Variants in SMURF1 observed in about 807,000 individuals in gnomAD.
The protein encoded by SMURF1 is SMAD specific E3 ubiquitin protein ligase 1, also known as E3 ubiquitin-protein ligase SMURF1.
SMURF1 carries 44 observed loss-of-function variants against 98.0 expected under a neutral mutation model. The observed-to-expected ratio is 0.45, with a 90% confidence interval of 0.35 to 0.58. The LOEUF is 0.58. Ranked by LOEUF, SMURF1 falls within the 20% of genes least tolerant of loss-of-function variation. The pLI, the probability that SMURF1 is intolerant of heterozygous loss-of-function variation, is 0.00. For synonymous variants in SMURF1, 396 were observed against 374.9 expected (o/e 1.06, Z -0.65); for missense variants, 687 against 938.4 (o/e 0.73, Z 3.50).
At chr7:99,035,807 A>G (rs219801) in intron 15 of SMURF1, 91 bp from the exon 16 acceptor site, 3 of 1,284,746 alleles carry the variant, frequency 2.3e-6, no homozygotes, top group Non-Finnish European at 3.3e-6. Flanking sequence ...AACAGTGAAA[A>G]GTCGATTCCC....
intron 1 of SMURF1, among the ~76,000 whole-genome samples, chr7:99,113,877 A>G (rs1797382917): frequency 6.7e-6 from 1 of 149,556 alleles, no homozygotes; most frequent in African/African-American, 2.5e-5. Context: ...AACATTAGAC[A>G]GTAACCTGAG....
At chr7:99,034,183 C>A (rs3801241) in intron 16 of SMURF1, among the ~76,000 whole-genome samples, 1 of 152,096 alleles carries the variant, frequency 6.6e-6, no homozygotes, top group East Asian at 1.9e-4. Flanking sequence ...CAGGTGAGGG[C>A]CTTCAGAGAC....
In SMURF1 at chr7:99,060,610, C is replaced by G; in HGVS notation, c.192G>C (p.Gln64His). The change falls in exon 3 of 18, where the codon CAG becomes CAC. Residue 64 changes from glutamine (Q) to histidine (H), a missense_variant. Transcript: ENST00000361368. The part of the protein sequence containing the change: ...VKNTLDPKWN[Q>H]HYDLYVGKTD... ...AACATTCAACTCACAGATCATAGTG[C>G]TGGTTCCACTTTGGGTCCAATGTGT... The G allele has an allele frequency of 6.2e-7, 1 of 1,612,854 alleles. No homozygotes were observed. Among genetic ancestry groups the G allele is most frequent in the Non-Finnish European group, 8.5e-7 (1 of 1,179,402 alleles).
intron 17 of SMURF1, chr7:99,031,511 G>A (rs913256087): frequency 2.0e-5 from 3 of 152,230 alleles, no homozygotes; most frequent in African/African-American, 7.2e-5. Flanking sequence ...CTGGGTTCCA[G>A]GGCGGGCACT....
chr7:99,057,604 TG>T (rs377080465), intron 3 of SMURF1, 53 bp from the exon 4 acceptor site: 20 of 1,407,688 alleles, frequency 1.4e-5, no homozygotes, highest in Middle Eastern at 1.9e-4. Flanking sequence ...TTTTTTGTTT[TG>T]TTTTTTTTTT....
chr7:99,116,541 T>TA (rs1797459001), intron 1 of SMURF1, among the ~76,000 whole-genome samples: 1 of 152,160 alleles, frequency 6.6e-6, no homozygotes, highest in South Asian at 2.1e-4. Context: ...ATCAACATAC[T>TA]AAAATCAGCT....
chr7:99,102,092 T>C (rs1206862253), intron 1 of SMURF1, among the ~76,000 whole-genome samples: 3 of 152,186 alleles, frequency 2.0e-5, no homozygotes, highest in Non-Finnish European at 4.4e-5. Context: ...TACCCTTTTA[T>C]ATGGGCATAC....
chr7:99,089,311 C>T (rs1796754399), intron 1 of SMURF1, among the ~76,000 whole-genome samples: 1 of 151,974 alleles, frequency 6.6e-6, no homozygotes. Flanking sequence ...AACACAAATT[C>T]AAATTGAATC....
At chr7:99,113,637 G>A (rs753308555) in intron 1 of SMURF1, among the ~76,000 whole-genome samples, 35 of 151,812 alleles carry the variant, frequency 2.3e-4, no homozygotes, top group Non-Finnish European at 4.3e-4. Flanking sequence ...TCAGGAGATC[G>A]AGATCATCCT....
At chr7:99,034,193 C>T (rs1461010604) in intron 16 of SMURF1, among the ~76,000 whole-genome samples, 1 of 152,182 alleles carries the variant, frequency 6.6e-6, no homozygotes, top group Non-Finnish European at 1.5e-5. Context: ...CCTTCAGAGA[C>T]CTCCTGCAGG....
At chr7:99,112,663 TA>T (rs1331746461) in intron 1 of SMURF1, among the ~76,000 whole-genome samples, 2 of 152,170 alleles carry the variant, frequency 1.3e-5, no homozygotes, top group African/African-American at 4.8e-5. Context: ...TGAGGAAGCC[TA>T]GTCACTGGAC....
intron 1 of SMURF1, among the ~76,000 whole-genome samples, chr7:99,080,085 T>C (rs1317927710): frequency 6.8e-6 from 1 of 146,118 alleles, no homozygotes; most frequent in African/African-American, 2.5e-5. Flanking sequence ...AAGGAGAAAA[T>C]AAAACCACAA....
chr7:99,111,138 T>C (rs1797309948), intron 1 of SMURF1, among the ~76,000 whole-genome samples: 1 of 152,178 alleles, frequency 6.6e-6, no homozygotes, highest in Non-Finnish European at 1.5e-5. Flanking sequence ...CAAGAGGTAG[T>C]GGTAATAACT....
chr7:99,074,841 A>C (rs1192986835), intron 1 of SMURF1, among the ~76,000 whole-genome samples: 1 of 152,220 alleles, frequency 6.6e-6, no homozygotes, highest in Non-Finnish European at 1.5e-5. Flanking sequence ...CAGCCTGGGC[A>C]AAACAGTGAG....
intron 6 of SMURF1, among the ~76,000 whole-genome samples, chr7:99,053,026 C>CAG (rs1487262881): frequency 6.6e-6 from 1 of 152,154 alleles, no homozygotes; most frequent in African/African-American, 2.4e-5. Flanking sequence ...CATTGTACTC[C>CAG]AGCCTGGGTG....
intron 1 of SMURF1, among the ~76,000 whole-genome samples, chr7:99,139,480 AAT>A (rs1041342296): frequency 6.6e-6 from 1 of 152,254 alleles, no homozygotes; most frequent in African/African-American, 2.4e-5. Flanking sequence ...TTGACATTAC[AAT>A]AAAATTTAAT....
At chr7:99,051,082 T>C (rs907779346) in intron 8 of SMURF1, 1 of 1,256,642 alleles carries the variant, frequency 8.0e-7, no homozygotes, top group South Asian at 1.4e-5. Context: ...TTTAAGCATA[T>C]AAAAAAGTTA....
intron 14 of SMURF1, among the ~76,000 whole-genome samples, chr7:99,038,142 A>G (rs1795224993): frequency 6.6e-6 from 1 of 151,936 alleles, no homozygotes; most frequent in South Asian, 2.1e-4. Context: ...GTGGTCACTG[A>G]AAAGTCCTTC....
Position 99,069,022 on chromosome 7 carries a change from G to A in SMURF1, c.56-7185C>T, listed in dbSNP as rs969180564. Among the ~76,000 whole-genome samples, 12 of 152,266 alleles carry A rather than the reference G, an allele frequency of 7.9e-5. No homozygotes were observed. The South Asian group carries it at 2.1e-3, about 26-fold the overall frequency. ...AATGTAAGCGGGGTTTTCATAAAAC[G>A]AAACTAATTTTAAGTGGCTGTTCTT... On this transcript the variant is annotated intron_variant, in intron 1 of 17. Coordinates refer to ENST00000361368, the MANE Select transcript of SMURF1 (RefSeq NM_181349.3).
Sources: allele counts gnomAD v4.1 joint callset (sites outside exome capture counted in the v4.1 genomes callset), GRCh38; gene constraint gnomAD v4.1.1; transcripts MANE v1.5; gene names NCBI Gene and HGNC (gene_info 2026-07-23, HGNC 2026-07-21).